Variants in DIAPH2 observed in about 807,000 individuals in gnomAD.
DIAPH2 encodes the protein protein diaphanous homolog 2.
In DIAPH2, 35 loss-of-function variants were observed where a neutral mutation model predicts 92.7. The observed-to-expected ratio is 0.38, with a 90% CI of 0.29 to 0.50. The LOEUF (loss-of-function observed/expected upper bound fraction) is 0.50, where lower values mean the gene tolerates loss of function less well. Ranked by LOEUF, DIAPH2 falls within the 20% of genes least tolerant of loss-of-function variation. The pLI, the probability that DIAPH2 is intolerant of heterozygous loss-of-function variation, is 0.94. For missense variants in DIAPH2, 701 were observed against 819.5 expected, an observed-to-expected ratio of 0.86 and a Z score of 1.77; for synonymous variants, 301 against 280.4, an observed-to-expected ratio of 1.07 and a Z score of -0.73.
intron 25 of DIAPH2, among the ~76,000 whole-genome samples, chrX:97,390,131 A>G (rs2069642484): frequency 9.2e-6 from 1 of 108,118 alleles, no homozygotes; most frequent in African/African-American, 3.3e-5. Flanking sequence ...CCGGTCAGAG[A>G]GCAAGCTGAC....
At chrX:96,729,744 C>G (rs1013802400) in intron 1 of DIAPH2, among the ~76,000 whole-genome samples, 1 of 111,688 alleles carries the variant, frequency 9.0e-6, no homozygotes. Context: ...TTTTTCTTGT[C>G]ATAAAAATGG....
intron 4 of DIAPH2, among the ~76,000 whole-genome samples, chrX:96,776,167 T>C: frequency 9.0e-6 from 1 of 111,721 alleles, no homozygotes; most frequent in Middle Eastern, 4.7e-3. Flanking sequence ...AATATTTGCA[T>C]TTTAAGCTGC....
At chrX:97,509,255 G>A (rs1295864034) in intron 26 of DIAPH2, among the ~76,000 whole-genome samples, 1 of 108,452 alleles carries the variant, frequency 9.2e-6, no homozygotes, top group Non-Finnish European at 1.9e-5. Context: ...CCGTGTTGAC[G>A]AGGCTGGTGT....
chrX:97,381,017 C>T (rs2069546218), intron 24 of DIAPH2, among the ~76,000 whole-genome samples: 1 of 111,323 alleles, frequency 9.0e-6, no homozygotes, highest in South Asian at 3.7e-4. Flanking sequence ...TCTGTTTTAT[C>T]CTTTAGTAGA....
chrX:97,150,180 G>T (rs1356755388), intron 22 of DIAPH2, among the ~76,000 whole-genome samples: 1 of 111,519 alleles, frequency 9.0e-6, no homozygotes, highest in African/African-American at 3.3e-5. Flanking sequence ...TTTTTAATGT[G>T]AAATGTCAAA....
At chrX:97,143,190 T>A (rs524376) in intron 22 of DIAPH2, among the ~76,000 whole-genome samples, 2 of 109,790 alleles carry the variant, frequency 1.8e-5, no homozygotes, top group African/African-American at 3.3e-5. Flanking sequence ...AATTTATCTT[T>A]GGATTTAAAA....
At chrX:97,032,976 A>G (rs2147879946) in intron 17 of DIAPH2, among the ~76,000 whole-genome samples, 1 of 111,349 alleles carries the variant, frequency 9.0e-6, no homozygotes, top group South Asian at 3.8e-4. Context: ...CTATAATTCT[A>G]AGTAAGACAG....
intron 26 of DIAPH2, among the ~76,000 whole-genome samples, chrX:97,582,929 T>C: frequency 8.9e-6 from 1 of 111,787 alleles, no homozygotes; most frequent in Non-Finnish European, 1.9e-5. Context: ...TCATTTCATC[T>C]TCCATTGCTG....
rs1346117810 is a variant in DIAPH2 at position 96,939,588 on chromosome X, G to A, written c.1325+206G>A. Among the ~76,000 whole-genome samples, 2 of 58,474 alleles carry A rather than the reference G, an allele frequency of 3.4e-5. No individual in the cohort carries two copies. The highest frequency in any genetic ancestry group is 1.4e-3 in the South Asian group (1 of 733). The allele number at this position is 58,474 out of a possible 115,157, so 50.8% of individuals were successfully genotyped here. ...TATATGTGTGTGTGTGTGTATATGT[G>A]TGTGTGTGTATATACACACACACAC... On this transcript the variant is annotated intron_variant, in intron 12 of 26. Transcript: ENST00000324765.
chrX:96,795,861 G>C (rs2064534891), intron 4 of DIAPH2, among the ~76,000 whole-genome samples: 1 of 111,436 alleles, frequency 9.0e-6, no homozygotes, highest in Admixed American at 9.6e-5. Context: ...CATATATTTG[G>C]GTAATTTTTT....
chrX:97,503,617 C>T (rs926158510), intron 26 of DIAPH2, among the ~76,000 whole-genome samples: 4 of 111,875 alleles, frequency 3.6e-5, no homozygotes, highest in African/African-American at 1.3e-4. Context: ...CCATTCTCTA[C>T]TTTAAGCAAT....
At chrX:97,453,250 A>T (rs2070373802) in intron 26 of DIAPH2, among the ~76,000 whole-genome samples, 1 of 111,287 alleles carries the variant, frequency 9.0e-6, no homozygotes, top group South Asian at 3.8e-4. Flanking sequence ...GTAAGAATGT[A>T]TGATATTCAC....
intron 26 of DIAPH2, among the ~76,000 whole-genome samples, chrX:97,465,773 C>T (rs2070507098): frequency 8.9e-6 from 1 of 111,827 alleles, no homozygotes; most frequent in South Asian, 3.7e-4. Context: ...ACTGCAACCT[C>T]CAACTCCTGG....
In DIAPH2 at chrX:97,348,166, C is replaced by T. The variant is rs2069175580; in HGVS notation, c.2895C>T (p.His965=). The change falls in exon 24 of 27, where the codon CAC becomes CAT. Residue 965 remains histidine (H), a synonymous_variant. Coordinates refer to ENST00000324765, the MANE Select transcript of DIAPH2 (RefSeq NM_006729.5). ...AGTATGAAAAACTCTCCACCATGCA[C>T]AACAACATGATGAAGCTCTATGAGA... is the stretch of plus-strand genomic sequence containing the variant. The part of the protein sequence containing the change: ...REQYEKLSTM[H]NNMMKLYENL... The T allele has an allele frequency of 8.3e-7, 1 of 1,210,791 alleles. No individual in the cohort carries two copies. Among genetic ancestry groups the T allele is most frequent in the Non-Finnish European group, 1.1e-6 (1 of 894,748 alleles).
intron 17 of DIAPH2, among the ~76,000 whole-genome samples, chrX:97,067,475 A>C (rs2066641580): frequency 8.9e-6 from 1 of 111,767 alleles, no homozygotes; most frequent in Non-Finnish European, 1.9e-5. Flanking sequence ...ACATTTAGTC[A>C]TATTTACTCC....
At chrX:97,473,436 G>A (rs1375451762) in intron 26 of DIAPH2, among the ~76,000 whole-genome samples, 1 of 111,721 alleles carries the variant, frequency 9.0e-6, no homozygotes, top group East Asian at 2.8e-4. Flanking sequence ...CTGGACTCAA[G>A]TGATTCTCCT....
intron 4 of DIAPH2, among the ~76,000 whole-genome samples, chrX:96,840,981 T>G (rs547030128): frequency 8.9e-6 from 1 of 111,796 alleles, no homozygotes; most frequent in African/African-American, 3.3e-5. Context: ...TTATCACATA[T>G]CATGAATGAT....
At chrX:97,032,419 C>T (rs763111069) in intron 17 of DIAPH2, among the ~76,000 whole-genome samples, 22 of 111,243 alleles carry the variant, frequency 2.0e-4, no homozygotes, top group Non-Finnish European at 3.6e-4. Flanking sequence ...TACTAAATTA[C>T]GGTTCTATTT....
At chrX:97,253,772 T>C (rs1569341980) in intron 23 of DIAPH2, among the ~76,000 whole-genome samples, 1 of 109,457 alleles carries the variant, frequency 9.1e-6, no homozygotes, top group African/African-American at 3.3e-5. Flanking sequence ...TAAATAATAA[T>C]AAAAAAAACA....
Sources: allele counts gnomAD v4.1 joint callset (sites outside exome capture counted in the v4.1 genomes callset), GRCh38; gene constraint gnomAD v4.1.1; transcripts MANE v1.5; gene names NCBI Gene and HGNC (gene_info 2026-07-23, HGNC 2026-07-21).